The following SLC35F4 variants were observed in gnomAD, a reference collection of about 807,000 sequenced individuals.
The protein encoded by SLC35F4 is chromosome 14 open reading frame 36.
In SLC35F4, 24 loss-of-function variants were observed where a neutral mutation model predicts 44.2. The observed-to-expected ratio is 0.54, with a 90% CI of 0.39 to 0.76. SLC35F4 has a LOEUF of 0.76. SLC35F4 is among the 30% of genes least tolerant of loss of function. The pLI is 0.00. For missense variants in SLC35F4, 562 were observed against 586.1 expected (o/e 0.96, Z 0.42); for synonymous variants, 238 against 223.6 (o/e 1.06, Z -0.57).
chr14:57,892,853 T>C (rs1305787011), intron 1 of SLC35F4, among the ~76,000 whole-genome samples: 1 of 152,198 alleles, frequency 6.6e-6, no homozygotes, highest in Non-Finnish European at 1.5e-5. Flanking sequence ...GTTCTCTCTG[T>C]GCATTCTTCT....
chr14:57,719,028 G>A lies in SLC35F4; in HGVS notation c.104-124904C>T, dbSNP rs187712786. Among the ~76,000 whole-genome samples the A allele has an allele frequency of 2.6e-3, 399 of 152,268 alleles. 1 individual carries two copies. Among genetic ancestry groups the A allele is most frequent in the African/African-American group, 8.8e-3 (366 of 41,546 alleles). On this transcript the variant is annotated intron_variant, in intron 1 of 7. Coordinates refer to ENST00000556826, the MANE Select transcript of SLC35F4 (RefSeq NM_001306087.2). ...AGATTTTTGTATAAGGCAAGAGATA[G>A]GGGCCAAGTTTCATTCTTCGGCATG... is the stretch of plus-strand genomic sequence containing the variant.
chr14:57,771,625 G>A (rs1028736688), intron 1 of SLC35F4, among the ~76,000 whole-genome samples: 6 of 151,856 alleles, frequency 4.0e-5, no homozygotes, highest in Non-Finnish European at 8.8e-5. Context: ...ACAGTGTCTC[G>A]CTCTATTGCC....
chr14:57,883,499 T>G (rs887223389), intron 1 of SLC35F4, among the ~76,000 whole-genome samples: 2 of 152,180 alleles, frequency 1.3e-5, no homozygotes, highest in Non-Finnish European at 2.9e-5. Flanking sequence ...AAGATTTTTA[T>G]CTCTGGAATT....
Position 57,594,042 on chromosome 14 carries a change from G to T in SLC35F4, c.186C>A (p.Ser62=). The change falls in exon 2 of 8, where the codon TCC becomes TCA. Residue 62 remains serine, a synonymous_variant. Coordinates refer to ENST00000556826, the MANE Select transcript of SLC35F4 (RefSeq NM_001306087.2). ...AGGAATCTTCGGTGACAGACAGTGG[G>T]GACAGTTGTCTACTGATGCCACTGT... is the stretch of plus-strand genomic sequence containing the variant. ...SSHSGISRQL[S]PLSVTEDSSA... is the part of the protein sequence containing the mutation. 6.2e-7 allele frequency: 1 copy of T among 1,613,854 alleles called. No individual in the cohort carries two copies. The highest frequency in any genetic ancestry group is 8.5e-7 in the Non-Finnish European group (1 of 1,179,842).
At chr14:57,753,422 G>T (rs1004741264) in intron 1 of SLC35F4, among the ~76,000 whole-genome samples, 1 of 152,076 alleles carries the variant, frequency 6.6e-6, no homozygotes, top group African/African-American at 2.4e-5. Flanking sequence ...GGAGTAGTAG[G>T]GTCCTCAGAG....
At chr14:57,621,052 G>C (rs2072150339) in intron 1 of SLC35F4, among the ~76,000 whole-genome samples, 1 of 151,170 alleles carries the variant, frequency 6.6e-6, no homozygotes, top group Admixed American at 6.6e-5. Context: ...AATCATGAGT[G>C]AACTCCCATT....
At chr14:57,955,723 C>T (rs916052951) in intron 1 of SLC35F4, among the ~76,000 whole-genome samples, 2 of 152,088 alleles carry the variant, frequency 1.3e-5, no homozygotes, top group African/African-American at 4.8e-5. Flanking sequence ...CCTAGGAATA[C>T]AACTTACAAC....
chr14:57,937,600 GAAAAGAAAAGAAAAGAAAAGA>G (rs1437892187), intron 1 of SLC35F4, among the ~76,000 whole-genome samples: 70 of 70,052 alleles, frequency 1.0e-3, no homozygotes, highest in African/African-American at 6.0e-3. Flanking sequence ...GAAAAGAAAA[GAAAAGAAAAGAAAAGAAAAGA>G]AAAGAAAAGA....
chr14:57,793,298 A>G (rs377738865), intron 1 of SLC35F4, among the ~76,000 whole-genome samples: 12 of 151,804 alleles, frequency 7.9e-5, no homozygotes, highest in African/African-American at 2.9e-4. Flanking sequence ...TTTTGGTTAC[A>G]TGGATGAAAC....
chr14:57,646,983 G>C (rs2073554977), intron 1 of SLC35F4, among the ~76,000 whole-genome samples: 1 of 152,194 alleles, frequency 6.6e-6, no homozygotes, highest in South Asian at 2.1e-4. Context: ...TGTGGTCTGA[G>C]AGACAGTTTG....
chr14:57,882,787 A>T (rs1888564326), intron 1 of SLC35F4, among the ~76,000 whole-genome samples: 2 of 151,218 alleles, frequency 1.3e-5, no homozygotes, highest in African/African-American at 4.9e-5. Flanking sequence ...TGACAGATTA[A>T]TTTTTTTTTG....
At chr14:57,912,355 T>A (rs1336045376) in intron 1 of SLC35F4, among the ~76,000 whole-genome samples, 1 of 151,148 alleles carries the variant, frequency 6.6e-6, no homozygotes, top group Non-Finnish European at 1.5e-5. Context: ...GATTATTGAC[T>A]TTTATATTTT....
chr14:57,902,644 G>A (rs1273533960), intron 1 of SLC35F4, among the ~76,000 whole-genome samples: 1 of 151,184 alleles, frequency 6.6e-6, no homozygotes, highest in African/African-American at 2.4e-5. Flanking sequence ...AATAAATGAA[G>A]AAAAAAATCA....
At chr14:57,608,147 T>A (rs191605942) in intron 1 of SLC35F4, among the ~76,000 whole-genome samples, 202 of 152,226 alleles carry the variant, frequency 1.3e-3, no homozygotes, top group Non-Finnish European at 2.5e-3. Flanking sequence ...TTGAGAGTCA[T>A]CAGTGTATGG....
chr14:57,816,262 A>G (rs1882580093), intron 1 of SLC35F4, among the ~76,000 whole-genome samples: 2 of 152,178 alleles, frequency 1.3e-5, no homozygotes, highest in African/African-American at 4.8e-5. Context: ...CTCATTAAAC[A>G]GAGCCAAATG....
chr14:57,674,129 G>T lies in SLC35F4; in HGVS notation c.104-80005C>A, dbSNP rs189672121. Among the ~76,000 whole-genome samples, 130 of 152,104 alleles carry T rather than the reference G, an allele frequency of 8.5e-4. 3 individuals carry two copies. The highest frequency in any genetic ancestry group is 3.0e-3 in the African/African-American group (124 of 41,440). On this transcript the variant is annotated intron_variant, in intron 1 of 7. Transcript: ENST00000556826. ...TTATGTCATGGGGGTTTATTGTGCA[G>T]ATTAGAGAAATGCAAATTAAAACCA...
chr14:57,920,333 G>A (rs1165258554), intron 1 of SLC35F4, among the ~76,000 whole-genome samples: 3 of 152,170 alleles, frequency 2.0e-5, no homozygotes, highest in Non-Finnish European at 2.9e-5. Flanking sequence ...CCAGCACTTT[G>A]AGAAGTCAAC....
At chr14:57,672,981 T>TA (rs889573807) in intron 1 of SLC35F4, among the ~76,000 whole-genome samples, 6 of 151,932 alleles carry the variant, frequency 3.9e-5, no homozygotes, top group African/African-American at 1.5e-4. Context: ...TTTTATTCAA[T>TA]AAAAAAATAA....
At chr14:57,976,358 G>A (rs1420344824), downstream of SLC35F4, among the ~76,000 whole-genome samples, 1 of 152,180 alleles carries the variant, frequency 6.6e-6, no homozygotes, top group East Asian at 1.9e-4. Flanking sequence ...CTGTTTATAA[G>A]TGTATAATCA....
Sources: allele counts gnomAD v4.1 joint callset (sites outside exome capture counted in the v4.1 genomes callset), GRCh38; gene constraint gnomAD v4.1.1; transcripts MANE v1.5; gene names NCBI Gene and HGNC (gene_info 2026-07-23, HGNC 2026-07-21).